Variants in SGMS2 observed in about 807,000 individuals in gnomAD.
The protein encoded by SGMS2 is sphingomyelin synthase 2, also known as phosphatidylcholine:ceramide cholinephosphotransferase 2.
Under a neutral mutation model 43.8 loss-of-function variants are expected in SGMS2, and 21 were observed. That is an observed-to-expected ratio of 0.48 (90% CI 0.34 to 0.69). SGMS2 has a LOEUF of 0.69. Among genes scored for constraint, SGMS2 ranks in the 30% least tolerant of loss-of-function variants. The pLI is 0.01. For missense variants in SGMS2, 384 were observed against 443.2 expected (o/e 0.87, Z 1.20); for synonymous variants, 167 against 160.6 (o/e 1.04, Z -0.30).
At chr4:107,906,652 G>T in intron 5 of SGMS2, among the ~76,000 whole-genome samples, 1 of 152,094 alleles carries the variant, frequency 6.6e-6, no homozygotes, top group East Asian at 1.9e-4. Context: ...CTTTTCTTTG[G>T]GTCAGCCAGT....
chr4:107,899,718 G>C, intron 4 of SGMS2, 26 bp downstream of exon 4: 1 of 1,508,444 alleles, frequency 6.6e-7, no homozygotes, highest in Non-Finnish European at 9.2e-7. Context: ...CTGCCACTTA[G>C]AAGAAATCAG....
At chr4:107,865,771 T>A (rs1395841005) in intron 2 of SGMS2, among the ~76,000 whole-genome samples, 2 of 152,218 alleles carry the variant, frequency 1.3e-5, no homozygotes, top group African/African-American at 4.8e-5. Flanking sequence ...TAAGATCTTA[T>A]TTAATTGGTT....
In SGMS2 at chr4:107,825,211, A is replaced by G. The variant is rs1426740441; in HGVS notation, c.-369A>G. 2.0e-5 allele frequency: 3 copies of G among 152,666 alleles called. No homozygotes were observed. The highest frequency in any genetic ancestry group is 7.2e-5 in the African/African-American group (3 of 41,444). 9.5% of individuals were successfully genotyped at this position (152,666 alleles called of 1,614,324 possible). ...CTGGCAAATCCCCTTCCCGGGAGCA[A>G]GTGCCTTCAGCTGGGAGTGTCTGGA... On this transcript the variant is annotated 5_prime_UTR_variant, in exon 1 of 7. Coordinates refer to ENST00000690982, the MANE Select transcript of SGMS2 (RefSeq NM_001375905.1).
intron 2 of SGMS2, among the ~76,000 whole-genome samples, chr4:107,885,784 A>G (rs1277997030): frequency 6.6e-6 from 1 of 152,228 alleles, no homozygotes; most frequent in Non-Finnish European, 1.5e-5. Context: ...AAAACACAGT[A>G]TCCTTATAGA....
At chr4:107,870,764 GCTT>G (rs747049645) in intron 2 of SGMS2, among the ~76,000 whole-genome samples, 14 of 152,110 alleles carry the variant, frequency 9.2e-5, no homozygotes, top group Non-Finnish European at 2.1e-4. Flanking sequence ...TTTCTAGGCT[GCTT>G]CTTTGTTTCA....
At chr4:107,842,075 C>G (rs554190657) in intron 1 of SGMS2, among the ~76,000 whole-genome samples, 15 of 151,732 alleles carry the variant, frequency 9.9e-5, no homozygotes, top group African/African-American at 3.6e-4. Context: ...TATTAGGTTG[C>G]GAAAAAAGTA....
chr4:107,910,252 G>C, intron 6 of SGMS2, 98 bp from the exon 7 acceptor site: 2 of 1,025,406 alleles, frequency 2.0e-6, no homozygotes, highest in Non-Finnish European at 2.9e-6. Context: ...TCTGAATTCT[G>C]TTTTCCCTAG....
At chr4:107,845,158 C>T (rs1726742930) in intron 1 of SGMS2, among the ~76,000 whole-genome samples, 1 of 152,154 alleles carries the variant, frequency 6.6e-6, no homozygotes, top group Admixed American at 6.6e-5. Context: ...TTATAGAACT[C>T]CCTAGAGATG....
At chr4:107,847,066 C>T (rs1195371393) in intron 1 of SGMS2, among the ~76,000 whole-genome samples, 1 of 151,940 alleles carries the variant, frequency 6.6e-6, no homozygotes, top group African/African-American at 2.4e-5. Flanking sequence ...TGTAGGTTGC[C>T]TGTTCACTCT....
intron 2 of SGMS2, among the ~76,000 whole-genome samples, chr4:107,879,616 C>G (rs1010180037): frequency 2.0e-5 from 3 of 152,050 alleles, no homozygotes; most frequent in Non-Finnish European, 4.4e-5. Context: ...CACACCCCAC[C>G]ATGCCTGACT....
chr4:107,901,569 C>T (rs1208979412), intron 4 of SGMS2, among the ~76,000 whole-genome samples: 3 of 152,144 alleles, frequency 2.0e-5, no homozygotes, highest in Non-Finnish European at 4.4e-5. Context: ...TTACAAGAGC[C>T]AACACAGTGA....
chr4:107,838,988 A>G (rs1262709752), intron 1 of SGMS2, among the ~76,000 whole-genome samples: 1 of 152,112 alleles, frequency 6.6e-6, no homozygotes, highest in South Asian at 2.1e-4. Context: ...CCTCCACCAC[A>G]ACCAAGCCAA....
intron 1 of SGMS2, among the ~76,000 whole-genome samples, chr4:107,853,105 C>A (rs1354569823): frequency 6.6e-6 from 1 of 151,854 alleles, no homozygotes; most frequent in African/African-American, 2.4e-5. Flanking sequence ...TGACTTTAAC[C>A]TTAGGAGGTT....
intron 5 of SGMS2, among the ~76,000 whole-genome samples, chr4:107,906,749 G>A (rs539368798): frequency 1.1e-4 from 16 of 152,328 alleles, no homozygotes; most frequent in Admixed American, 3.9e-4. Context: ...GTTTCCAGCC[G>A]TTCCTAAAAC....
intron 2 of SGMS2, among the ~76,000 whole-genome samples, chr4:107,888,575 G>A (rs754988721): frequency 6.6e-6 from 1 of 151,438 alleles, no homozygotes; most frequent in Non-Finnish European, 1.5e-5. Flanking sequence ...TTTTTCATTT[G>A]AAATTATTTC....
intron 2 of SGMS2, among the ~76,000 whole-genome samples, chr4:107,893,933 G>C (rs897590865): frequency 6.6e-6 from 1 of 152,144 alleles, no homozygotes; most frequent in African/African-American, 2.4e-5. Flanking sequence ...TGGTTAGACT[G>C]CAAGCTCTTT....
rs565267118 is a variant in SGMS2, at chr4:107,891,843, C to G, written c.-244-3467C>G. 3.3e-5 allele frequency among the ~76,000 whole-genome samples: 5 copies of G among 152,132 alleles called. No homozygotes were observed. In the South Asian group the frequency reaches 1.0e-3, roughly 32 times the overall value. On this transcript the variant is annotated intron_variant, in intron 2 of 6. Transcript: ENST00000690982. ...CCACACCATGTTGCCTGTTTCTTTA[C>G]ACATGGTGACAAAAAGGAAGATGGA...
In SGMS2 at chr4:107,913,057, A is replaced by G. The variant is rs1489582255; in HGVS notation, c.*2504A>G. The stretch of plus-strand genomic sequence containing the variant: ...TATGATATATATATAAACTGAAGAT[A>G]TAAAACAAGTATGATCTTGCCTTTG... On this transcript the variant is annotated 3_prime_UTR_variant, in exon 7 of 7. Transcript: ENST00000690982. 1.3e-5 allele frequency: 2 copies of G among 152,234 alleles called. No homozygotes were observed. The highest frequency in any genetic ancestry group is 2.4e-5 in the African/African-American group (1 of 41,460). 9.4% of individuals were successfully genotyped at this position (152,234 alleles called of 1,614,324 possible). A position where few individuals can be genotyped will look rare whatever the true frequency, so the allele number is the denominator to read the frequency against.
At chr4:107,873,356 C>G (rs1728683797) in intron 2 of SGMS2, 1 of 152,100 alleles carries the variant, frequency 6.6e-6, no homozygotes, top group African/African-American at 2.4e-5. Context: ...ACTTCTGTTT[C>G]TCTACTCCCT....
Sources: gnomAD v4.1 joint callset for allele counts (sites outside exome capture counted in the v4.1 genomes callset) on GRCh38, gnomAD v4.1.1 for gene constraint, MANE v1.5 for transcripts, NCBI Gene and HGNC (gene_info 2026-07-23, HGNC 2026-07-21) for gene names.